Variants in CDK14 observed in about 807,000 individuals in gnomAD.
The protein encoded by CDK14 is cyclin-dependent kinase 14.
In CDK14, 34 loss-of-function variants were observed where a neutral mutation model predicts 60.7. The ratio of observed to expected loss-of-function variants is 0.56; its 90% CI spans 0.43 to 0.75. The LOEUF (loss-of-function observed/expected upper bound fraction) is 0.75. Among genes scored for constraint, CDK14 ranks in the 30% least tolerant of loss-of-function variants. CDK14 has a pLI of 0.00. For missense variants in CDK14, 482 were observed against 564.1 expected, an observed-to-expected ratio of 0.85 and a Z score of 1.47; for synonymous variants, 197 against 203.7, an observed-to-expected ratio of 0.97 and a Z score of 0.28.
At chr7:90,661,636 T>A in intron 2 of CDK14, among the ~76,000 whole-genome samples, 1 of 152,212 alleles carries the variant, frequency 6.6e-6, no homozygotes, top group East Asian at 1.9e-4. Context: ...GCCTTGTCAC[T>A]GTAGGTCATC....
At chr7:90,894,899 TGTTA>T (rs1409012730) in intron 6 of CDK14, among the ~76,000 whole-genome samples, 10 of 152,212 alleles carry the variant, frequency 6.6e-5, no homozygotes, top group Non-Finnish European at 5.9e-5. Context: ...GGTCTTGATG[TGTTA>T]GTTTTTTAAT....
chr7:90,980,996 T>C (rs149017345), intron 9 of CDK14, among the ~76,000 whole-genome samples: 78 of 152,326 alleles, frequency 5.1e-4, no homozygotes, highest in Middle Eastern at 3.4e-3. Context: ...GGGGTGGCTA[T>C]GGCTTCTGCT....
At chr7:90,682,505 T>C (rs12530832) in intron 2 of CDK14, among the ~76,000 whole-genome samples, 89,501 of 151,992 alleles carry the variant, frequency 0.59, 26,586 homozygotes, top group East Asian at 0.77. Context: ...AGATAGTATA[T>C]ATTTCTTAGG....
At chr7:91,020,853 G>T (rs186125320) in intron 10 of CDK14, among the ~76,000 whole-genome samples, 4 of 152,212 alleles carry the variant, frequency 2.6e-5, no homozygotes, top group African/African-American at 9.6e-5. Flanking sequence ...AGGCTACAGC[G>T]TGGGTGTTGG....
intron 13 of CDK14, among the ~76,000 whole-genome samples, chr7:91,114,997 A>G (rs561814550): frequency 1.1e-4 from 17 of 152,330 alleles, no homozygotes; most frequent in Admixed American, 2.0e-4. Flanking sequence ...TAAATTTCAT[A>G]TTAGCATAGA....
intron 2 of CDK14, among the ~76,000 whole-genome samples, chr7:90,713,799 T>A (rs898415958): frequency 6.6e-6 from 1 of 152,052 alleles, no homozygotes; most frequent in African/African-American, 2.4e-5. Context: ...AGTCCTGTAA[T>A]CAATCCCATC....
intron 9 of CDK14, among the ~76,000 whole-genome samples, chr7:90,981,307 C>T (rs1354221982): frequency 2.0e-5 from 3 of 152,160 alleles, no homozygotes; most frequent in Non-Finnish European, 4.4e-5. Context: ...TCTCTTGATA[C>T]CTATGTTGTC....
chr7:90,947,775 T>C (rs1183943558), intron 8 of CDK14, among the ~76,000 whole-genome samples: 3 of 152,192 alleles, frequency 2.0e-5, no homozygotes, highest in Non-Finnish European at 4.4e-5. Context: ...ATACAAACAC[T>C]CATACTAATT....
chr7:90,618,773 G>A (rs779252226), intron 2 of CDK14, among the ~76,000 whole-genome samples: 3 of 152,164 alleles, frequency 2.0e-5, no homozygotes, highest in Admixed American at 6.6e-5. Context: ...ATTGTTTGAT[G>A]TACTTTATCT....
intron 5 of CDK14, among the ~76,000 whole-genome samples, chr7:90,818,868 A>C (rs551489216): frequency 1.3e-4 from 16 of 122,608 alleles, no homozygotes; most frequent in African/African-American, 3.7e-4. Flanking sequence ...CTCTCTCTCT[A>C]TGTGTGTGTG....
intron 5 of CDK14, among the ~76,000 whole-genome samples, chr7:90,843,354 T>A (rs1252662110): frequency 6.6e-6 from 1 of 152,176 alleles, no homozygotes; most frequent in Admixed American, 6.5e-5. Flanking sequence ...TTTTAAAAAA[T>A]TTTGCAGCTT....
chr7:91,134,323 C>T (rs1038158558), intron 14 of CDK14, among the ~76,000 whole-genome samples: 1 of 152,094 alleles, frequency 6.6e-6, no homozygotes, highest in East Asian at 1.9e-4. Context: ...ATCACTTCAC[C>T]TCATCCCCTA....
chr7:91,120,204 C>A (rs959900573), intron 14 of CDK14, among the ~76,000 whole-genome samples: 7 of 152,134 alleles, frequency 4.6e-5, no homozygotes, highest in African/African-American at 1.4e-4. Context: ...TTTTGAGATC[C>A]CCTGACCTGA....
chr7:91,080,133 C>T (rs928268897), intron 12 of CDK14, among the ~76,000 whole-genome samples: 5 of 152,140 alleles, frequency 3.3e-5, no homozygotes. Flanking sequence ...GTGAGTGTCA[C>T]ATTTCAAGGT....
intron 10 of CDK14, among the ~76,000 whole-genome samples, chr7:90,993,555 T>C (rs549441190): frequency 6.6e-6 from 1 of 152,028 alleles, no homozygotes; most frequent in African/African-American, 2.4e-5. Flanking sequence ...TCAATAAATG[T>C]TTTAGAGGAG....
intron 3 of CDK14, among the ~76,000 whole-genome samples, chr7:90,736,357 T>C (rs1803114374): frequency 1.4e-5 from 2 of 146,528 alleles, no homozygotes; most frequent in Admixed American, 1.4e-4. Context: ...TTTGTTTTTT[T>C]TTTTTTTTTT....
At chr7:90,976,073 T>G (rs1176999486) in intron 9 of CDK14, among the ~76,000 whole-genome samples, 2 of 152,214 alleles carry the variant, frequency 1.3e-5, no homozygotes, top group Non-Finnish European at 2.9e-5. Context: ...GATGGCTAGC[T>G]CATATGGTAG....
At chr7:90,715,638 T>C (rs1802221187) in intron 2 of CDK14, among the ~76,000 whole-genome samples, 1 of 149,020 alleles carries the variant, frequency 6.7e-6, no homozygotes, top group African/African-American at 2.5e-5. Flanking sequence ...AGAAAAAGTT[T>C]TTATTTGCAG....
At chr7:90,900,517 AT>A (rs1321184142) in intron 7 of CDK14, among the ~76,000 whole-genome samples, 5 of 152,144 alleles carry the variant, frequency 3.3e-5, no homozygotes, top group African/African-American at 9.7e-5. Context: ...CATGAACATA[AT>A]TTTTTTAACA....
Sources: allele counts gnomAD v4.1 joint callset (sites outside exome capture counted in the v4.1 genomes callset), GRCh38; gene constraint gnomAD v4.1.1; transcripts MANE v1.5; gene names NCBI Gene and HGNC (gene_info 2026-07-23, HGNC 2026-07-21).